The following DAB2 variants were observed in gnomAD, a reference collection of about 807,000 sequenced individuals.
The protein encoded by DAB2 is DAB adaptor protein 2.
Under a neutral mutation model 71.6 loss-of-function variants are expected in DAB2, and 28 were observed. That is an observed-to-expected ratio of 0.39 (90% CI 0.29 to 0.54). DAB2 has a LOEUF of 0.54. Ranked by LOEUF, DAB2 falls within the 20% of genes least tolerant of loss-of-function variation. DAB2 has a pLI of 0.68. For synonymous variants in DAB2, 345 were observed against 339.7 expected (o/e 1.02, Z -0.17); for missense variants, 867 against 928.8 (o/e 0.93, Z 0.86).
intron 1 of DAB2, chr5:39,417,532 G>A (rs1338728401): frequency 6.6e-6 from 1 of 152,072 alleles, no homozygotes; most frequent in South Asian, 2.1e-4. Context: ...GACTTCCATT[G>A]TTCCTTTAAA....
At chr5:39,416,331 T>C (rs541033349) in intron 1 of DAB2, among the ~76,000 whole-genome samples, 120 of 152,272 alleles carry the variant, frequency 7.9e-4, no homozygotes, top group Non-Finnish European at 1.4e-3. Flanking sequence ...TCAGTGAGAA[T>C]CTAAGGTGTA....
Position 39,389,914 on chromosome 5 carries a change from C to A in DAB2, c.481G>T (p.Asp161Tyr). ...ATAACTTGAAAAAGGTCTTTAAGAT[C>A]AACAACTAATGGTTCAGCCTGCAGT... ...TGQQAEPLVVDLKDLFQVIYN... is the reference protein window; with the variant it reads ...TGQQAEPLVVYLKDLFQVIYN... Residue 161 changes from aspartate (D) to tyrosine (Y), a missense_variant, in exon 6 of 15, where the codon GAT becomes TAT. Around this residue, in one of 2 missense-constraint regions of DAB2, gnomAD observed 740 missense variants for 734.3 expected, o/e 1.01. Coordinates refer to ENST00000320816, the MANE Select transcript of DAB2 (RefSeq NM_001343.4). The A allele has an allele frequency of 6.3e-7, 1 of 1,594,962 alleles. No individual in the cohort carries two copies. Among genetic ancestry groups the A allele is most frequent in the South Asian group, 1.1e-5 (1 of 88,898 alleles).
At chr5:39,412,247 T>C (rs1053315403) in intron 1 of DAB2, among the ~76,000 whole-genome samples, 7 of 152,064 alleles carry the variant, frequency 4.6e-5, no homozygotes, top group African/African-American at 1.7e-4. Flanking sequence ...GAAACCATGA[T>C]TATGACAAAA....
chr5:39,394,504 C>T (rs1191200012), intron 1 of DAB2, 83 bp from the exon 2 acceptor site: 2 of 585,676 alleles, frequency 3.4e-6, no homozygotes, highest in African/African-American at 3.7e-5. Context: ...CAACTAGTGA[C>T]TTTCTTTTGT....
intron 1 of DAB2, among the ~76,000 whole-genome samples, chr5:39,403,861 T>C (rs1393983491): frequency 2.0e-5 from 3 of 152,044 alleles, no homozygotes; most frequent in Non-Finnish European, 4.4e-5. Context: ...ATTAAGAATG[T>C]CTCTTATTGG....
intron 13 of DAB2, among the ~76,000 whole-genome samples, 200 bp downstream of exon 13, chr5:39,375,797 A>C (rs372203205): frequency 6.6e-6 from 1 of 152,286 alleles, no homozygotes; most frequent in East Asian, 1.9e-4. Context: ...GAGGCAGGAG[A>C]ATCCTTTGAA....
At chr5:39,411,098 A>G (rs139400384) in intron 1 of DAB2, among the ~76,000 whole-genome samples, 18 of 152,168 alleles carry the variant, frequency 1.2e-4, no homozygotes, top group South Asian at 4.1e-4. Flanking sequence ...TGGGGGTACC[A>G]CTCTGGTTTA....
intron 1 of DAB2, among the ~76,000 whole-genome samples, chr5:39,409,979 AGTT>A (rs1283961241): frequency 6.6e-6 from 1 of 152,146 alleles, no homozygotes; most frequent in Non-Finnish European, 1.5e-5. Flanking sequence ...ACAGATCTCA[AGTT>A]TCACCTTAAT....
chr5:39,402,101 A>G (rs1299369270), intron 1 of DAB2, among the ~76,000 whole-genome samples: 2 of 152,172 alleles, frequency 1.3e-5, no homozygotes, highest in Admixed American at 6.5e-5. Context: ...ATCAGACCTC[A>G]TGAGACTTAT....
intron 1 of DAB2, among the ~76,000 whole-genome samples, chr5:39,413,465 G>T (rs1281204657): frequency 1.3e-5 from 2 of 152,074 alleles, no homozygotes; most frequent in Non-Finnish European, 2.9e-5. Context: ...CTGCTTTATA[G>T]AAATGTATAT....
At chr5:39,410,026 T>C (rs1225849144) in intron 1 of DAB2, among the ~76,000 whole-genome samples, 2 of 152,310 alleles carry the variant, frequency 1.3e-5, no homozygotes, top group African/African-American at 4.8e-5. Context: ...TTCTAGGATT[T>C]ATAGAGGGAC....
rs1339270892 is a variant in DAB2 at position 39,393,269 on chromosome 5, A to G, written c.216T>C (p.Ser72=). 6 of 1,613,850 alleles carry G rather than the reference A, an allele frequency of 3.7e-6. No homozygotes were observed. The Admixed American group carries it at 8.3e-5, about 22-fold the overall frequency. Residue 72 remains serine, a synonymous_variant, in exon 3 of 15, where the codon TCT becomes TCC. Transcript: ENST00000320816. ...TCCCTTTTACCTTTAGTTTCATCAT[A>G]GAGTCTTGGCTCATTTTATCCCCTC... is the stretch of plus-strand genomic sequence containing the variant. ...DARGDKMSQD[S]MMKLKGMAAA...
intron 1 of DAB2, among the ~76,000 whole-genome samples, chr5:39,411,417 C>T (rs1038543027): frequency 6.6e-6 from 1 of 152,092 alleles, no homozygotes; most frequent in African/African-American, 2.4e-5. Flanking sequence ...TTAGCAATTG[C>T]CATTTCAATA....
At chr5:39,410,857 A>G (rs1488899441) in intron 1 of DAB2, among the ~76,000 whole-genome samples, 1 of 152,006 alleles carries the variant, frequency 6.6e-6, no homozygotes, top group African/African-American at 2.4e-5. Flanking sequence ...AGTATTGGCT[A>G]GAAATTGTAT....
In DAB2 at chr5:39,394,338, C is replaced by CA; in HGVS notation, c.-19dup. On this transcript the variant is annotated 5_prime_UTR_variant, in exon 2 of 15. Coordinates refer to ENST00000320816, the MANE Select transcript of DAB2 (RefSeq NM_001343.4). ...TTAGACATGGCAAGAAGGCAGGCAG[C>CA]AAACCTCAGTACCAGTGGACACTTG... 1 of 1,601,258 alleles carries CA rather than the reference C, an allele frequency of 6.2e-7. No homozygotes were observed. The highest frequency in any genetic ancestry group is 8.6e-7 in the Non-Finnish European group (1 of 1,168,550).
At chr5:39,375,885 TAAAA>T (rs1366435237) in intron 13 of DAB2, 108 bp downstream of exon 13, 2 of 841,604 alleles carry the variant, frequency 2.4e-6, no homozygotes, top group East Asian at 2.7e-5. Context: ...GACTCTGTCT[TAAAA>T]AAATAAATAA....
chr5:39,394,376 G>C lies in DAB2; in HGVS notation c.-56C>G. ...CAGTGGACACTTGGTGACACCAGGC[G>C]ATCCCGATGGAGAAGTCTCAAATAA... On this transcript the variant is annotated 5_prime_UTR_variant, in exon 2 of 15. It adds an upstream start codon to the 5' untranslated region. Transcript: ENST00000320816. 7.7e-7 allele frequency: 1 copy of C among 1,295,772 alleles called. No individual in the cohort carries two copies. The highest frequency in any genetic ancestry group is 1.2e-5 in the South Asian group (1 of 84,522). 80.3% of individuals were successfully genotyped at this position (1,295,772 alleles called of 1,614,324 possible).
At chr5:39,385,641 C>G (rs192175644) in intron 9 of DAB2, among the ~76,000 whole-genome samples, 1 of 152,262 alleles carries the variant, frequency 6.6e-6, no homozygotes, top group African/African-American at 2.4e-5. Context: ...CACGGCAGTG[C>G]GTTACAGAAC....
chr5:39,417,558 C>CTTTT (rs1755876834), intron 1 of DAB2: 1 of 152,030 alleles, frequency 6.6e-6, no homozygotes. Flanking sequence ...AATCCATTAA[C>CTTTT]ACCAATGGCC....
Sources: gnomAD v4.1 joint callset for allele counts (sites outside exome capture counted in the v4.1 genomes callset) on GRCh38, gnomAD v4.1.1 for gene constraint, gnomAD v4.1.1 regional missense constraint, MANE v1.5 for transcripts, NCBI Gene and HGNC (gene_info 2026-07-23, HGNC 2026-07-21) for gene names.